Variants in DMD observed in about 807,000 individuals in gnomAD.
DMD encodes the protein dystrophin, also known as mutant dystrophin.
Under a neutral mutation model 330.1 loss-of-function variants are expected in DMD, and 63 were observed. That is an observed-to-expected ratio of 0.19 (90% CI 0.16 to 0.24). The LOEUF is 0.24. DMD is among the 10% of genes least tolerant of loss of function. The pLI is 1.00. For missense variants in DMD, 3,344 were observed against 2,684.1 expected (o/e 1.25, Z -5.43); for synonymous variants, 1,223 against 959.8 (o/e 1.27, Z -5.07).
At chrX:32,837,086 G>A (rs1398165224) in intron 4 of DMD, among the ~76,000 whole-genome samples, 2 of 111,637 alleles carry the variant, frequency 1.8e-5, no homozygotes, top group African/African-American at 6.5e-5. Context: ...AAGGTGACTG[G>A]CTTCCTGATG....
intron 31 of DMD, 21 bp from the exon 32 acceptor site, chrX:32,389,695 G>A: frequency 8.3e-7 from 1 of 1,198,892 alleles, no homozygotes; most frequent in Non-Finnish European, 1.1e-6. Context: ...AGTGTAAAAA[G>A]GCACTGATTT....
At chrX:33,314,862 A>G (rs2053910892) in intron 1 of DMD, among the ~76,000 whole-genome samples, 1 of 110,367 alleles carries the variant, frequency 9.1e-6, no homozygotes, top group Non-Finnish European at 1.9e-5. Context: ...CTTGTTGCCC[A>G]GGCTGGAGTG....
chrX:32,687,171 C>T (rs1026415268), intron 9 of DMD, among the ~76,000 whole-genome samples: 1 of 111,917 alleles, frequency 8.9e-6, no homozygotes, highest in Non-Finnish European at 1.9e-5. Flanking sequence ...AATCAGGAGC[C>T]TGGATATTTG....
chrX:31,507,236 C>T (rs750327482), intron 56 of DMD, 45 bp downstream of exon 56: 3 of 1,197,164 alleles, frequency 2.5e-6, no homozygotes, highest in South Asian at 3.5e-5. Context: ...AAAATTTGGC[C>T]ATTTTAATTC....
At chrX:32,017,712 G>A (rs137900665) in intron 44 of DMD, among the ~76,000 whole-genome samples, 2,228 of 111,663 alleles carry the variant, frequency 0.02, 29 homozygotes, top group Middle Eastern at 0.041. Flanking sequence ...CAACTTCCTG[G>A]TGTAGTGCCT....
intron 7 of DMD, among the ~76,000 whole-genome samples, chrX:32,707,859 G>A (rs2064824633): frequency 9.0e-6 from 1 of 111,524 alleles, no homozygotes; most frequent in East Asian, 2.8e-4. Flanking sequence ...TGCCTGTTGT[G>A]GGAAGAACTA....
Position 32,365,029 on chromosome X carries a change from A to G in DMD, c.5016T>C (p.Asn1672=). The G allele has an allele frequency of 1.7e-6, 2 of 1,210,881 alleles. No individual in the cohort carries two copies. Among genetic ancestry groups the G allele is most frequent in the African/African-American group, 1.7e-5 (1 of 57,627 alleles). Residue 1672 remains asparagine, a synonymous_variant, in exon 35 of 79, where the codon AAT becomes AAC. Transcript: ENST00000357033. ...TAGCCTTTTCTCTTACCAACAAAAG[A>G]TTTAACCACTCTTCTGCTCGGGAGG... ...AVTSRAEEWL[N]LLLEYQKHME... is the part of the protein sequence containing the mutation.
chrX:32,420,728 T>C (rs1244578969), intron 29 of DMD, among the ~76,000 whole-genome samples: 6 of 111,965 alleles, frequency 5.4e-5, no homozygotes, highest in Non-Finnish European at 1.1e-4. Context: ...CTGGACTTAA[T>C]ATGATGTATG....
chrX:33,233,248 G>A (rs764610572), intron 1 of DMD, among the ~76,000 whole-genome samples: 6 of 111,261 alleles, frequency 5.4e-5, no homozygotes, highest in Non-Finnish European at 7.5e-5. Context: ...ACATCAATAC[G>A]ACATATGAGA....
At chrX:31,189,553 G>A (rs978551455) in intron 67 of DMD, among the ~76,000 whole-genome samples, 2 of 111,524 alleles carry the variant, frequency 1.8e-5, no homozygotes, top group African/African-American at 3.3e-5. Flanking sequence ...AGTAAACATT[G>A]GGCAAGAGAC....
At chrX:32,945,571 T>G (rs2090746164) in intron 2 of DMD, among the ~76,000 whole-genome samples, 1 of 111,329 alleles carries the variant, frequency 9.0e-6, no homozygotes, top group African/African-American at 3.3e-5. Context: ...TGGTAGTCAT[T>G]CTAGTTATAT....
At chrX:32,774,572 T>C (rs938252383) in intron 7 of DMD, among the ~76,000 whole-genome samples, 2 of 111,124 alleles carry the variant, frequency 1.8e-5, no homozygotes, top group African/African-American at 3.3e-5. Flanking sequence ...GCAAGCACTC[T>C]CTTCACTAGG....
intron 43 of DMD, among the ~76,000 whole-genome samples, chrX:32,240,262 A>G (rs991328204): frequency 1.2e-4 from 13 of 111,924 alleles, no homozygotes; most frequent in African/African-American, 4.2e-4. Context: ...TGCAAAATTT[A>G]TACGTTGAAA....
chrX:31,456,971 C>G (rs995745517), intron 59 of DMD, among the ~76,000 whole-genome samples: 3 of 106,311 alleles, frequency 2.8e-5, no homozygotes, highest in African/African-American at 1.0e-4. Context: ...TTTAATGGGT[C>G]ATTAAAAAAA....
chrX:31,629,037 C>A (rs2079005814), intron 54 of DMD, among the ~76,000 whole-genome samples: 1 of 108,517 alleles, frequency 9.2e-6, no homozygotes, highest in Non-Finnish European at 1.9e-5. Context: ...CAGTAACAGT[C>A]CTATGGAAAA....
rs1422984454 is a variant in DMD at position 32,536,625 on chromosome X, A to AT, written c.2168+8533dup. ...GTCACTGAACAAACGATTTGATCTT[A>AT]TTTTGCTTTTAATTGCCGAACTTTC... is the stretch of plus-strand genomic sequence containing the variant. On this transcript the variant is annotated intron_variant, in intron 17 of 78. Transcript: ENST00000357033. Among the ~76,000 whole-genome samples the AT allele has an allele frequency of 1.9e-4, 21 of 112,248 alleles. 2 individuals are homozygous for AT. The highest frequency in any genetic ancestry group is 1.8e-3 in the Admixed American group (19 of 10,553).
chrX:31,620,414 A>ATT (rs796904162), intron 55 of DMD, among the ~76,000 whole-genome samples: 2,425 of 97,604 alleles, frequency 0.025, 104 homozygotes, highest in African/African-American at 0.085. Flanking sequence ...CCATGACATA[A>ATT]TTTTTTTTTT....
intron 2 of DMD, among the ~76,000 whole-genome samples, chrX:32,892,733 T>A (rs1329134149): frequency 8.9e-6 from 1 of 111,773 alleles, no homozygotes; most frequent in Non-Finnish European, 1.9e-5. Flanking sequence ...CACCAAGTAT[T>A]ATTTGGCAAA....
intron 60 of DMD, among the ~76,000 whole-genome samples, chrX:31,383,468 C>T (rs754163139): frequency 8.9e-6 from 1 of 112,145 alleles, no homozygotes; most frequent in South Asian, 3.7e-4. Flanking sequence ...GCTACTACTA[C>T]TACTATTACT....
Sources: gnomAD v4.1 joint callset for allele counts (sites outside exome capture counted in the v4.1 genomes callset) on GRCh38, gnomAD v4.1.1 for gene constraint, MANE v1.5 for transcripts, NCBI Gene and HGNC (gene_info 2026-07-23, HGNC 2026-07-21) for gene names.